The following ADAMTS14 variants were observed in gnomAD, a reference collection of about 807,000 sequenced individuals.
ADAMTS14 encodes the protein A disintegrin and metalloproteinase with thrombospondin motifs 14.
In ADAMTS14, 100 loss-of-function variants were observed where a neutral mutation model predicts 128.6. The observed-to-expected ratio is 0.78, with a 90% CI of 0.66 to 0.92. ADAMTS14 has a LOEUF of 0.92. ADAMTS14 is among the 40% of genes least tolerant of loss of function. The pLI, the probability that ADAMTS14 is intolerant of heterozygous loss-of-function variation, is 0.00. For synonymous variants in ADAMTS14, 665 were observed against 653.8 expected, an observed-to-expected ratio of 1.02 and a Z score of -0.26; for missense variants, 1,562 against 1,658.6, an observed-to-expected ratio of 0.94 and a Z score of 1.01.
intron 1 of ADAMTS14, 99 bp downstream of exon 1, chr10:70,672,983 G>A: frequency 1.5e-6 from 2 of 1,338,214 alleles, no homozygotes; most frequent in South Asian, 1.9e-5. Flanking sequence ...GGTTCCCGCG[G>A]GTGGGAGGCA....
chr10:70,674,522 T>C, intron 1 of ADAMTS14, 34 bp from the exon 2 acceptor site: 1 of 1,586,760 alleles, frequency 6.3e-7, no homozygotes, highest in East Asian at 2.2e-5. Flanking sequence ...CTGAACCGAC[T>C]GCATTGAAGT....
intron 2 of ADAMTS14, among the ~76,000 whole-genome samples, chr10:70,693,519 G>A (rs577598690): frequency 6.6e-6 from 1 of 152,306 alleles, no homozygotes; most frequent in South Asian, 2.1e-4. Flanking sequence ...GGTGCCTTAT[G>A]TATATTGCTT....
intron 4 of ADAMTS14, among the ~76,000 whole-genome samples, chr10:70,709,060 C>T (rs1043466454): frequency 5.9e-5 from 9 of 152,234 alleles, no homozygotes; most frequent in African/African-American, 2.2e-4. Context: ...GCCTCCTGCG[C>T]TGGAGCCTGT....
In ADAMTS14 at chr10:70,736,718, C is replaced by A; in HGVS notation, c.1524C>A (p.Ser508Arg). ...TFEPCKQLWC[S>R]HPDNPYFCKT... ...AGCCCTGCAAGCAGCTGTGGTGCAGCCATCCTGACAACCCGTACTTCTGCA... is the reference window on the plus strand; with the variant it reads ...AGCCCTGCAAGCAGCTGTGGTGCAGACATCCTGACAACCCGTACTTCTGCA... The change falls in exon 10 of 22, where the codon AGC (serine) becomes AGA (arginine). Residue 508 changes from serine to arginine, a missense_variant. Coordinates refer to ENST00000373207, the MANE Select transcript of ADAMTS14 (RefSeq NM_080722.4). 6.2e-7 allele frequency: 1 copy of A among 1,613,912 alleles called. No homozygotes were observed. Among genetic ancestry groups the A allele is most frequent in the Non-Finnish European group, 8.5e-7 (1 of 1,179,882 alleles).
intron 4 of ADAMTS14, among the ~76,000 whole-genome samples, chr10:70,717,978 G>A (rs1841111238): frequency 3.3e-5 from 5 of 152,248 alleles, no homozygotes; most frequent in Admixed American, 2.0e-4. Context: ...CAGATGGCCT[G>A]TATAGAAGAG....
intron 2 of ADAMTS14, among the ~76,000 whole-genome samples, chr10:70,693,434 A>C (rs1289201077): frequency 6.6e-6 from 1 of 152,118 alleles, no homozygotes; most frequent in Non-Finnish European, 1.5e-5. Context: ...TCAAAGTGAC[A>C]ATGGTGATCA....
intron 2 of ADAMTS14, among the ~76,000 whole-genome samples, chr10:70,697,747 C>A (rs1840373484): frequency 6.8e-6 from 1 of 148,004 alleles, no homozygotes; most frequent in Non-Finnish European, 1.5e-5. Context: ...GTGACCATGT[C>A]TTCTTTGGGT....
intron 4 of ADAMTS14, among the ~76,000 whole-genome samples, chr10:70,726,074 T>C (rs922923966): frequency 2.0e-5 from 3 of 152,346 alleles, no homozygotes; most frequent in Non-Finnish European, 1.5e-5. Flanking sequence ...GCTGTCCCTT[T>C]CTGTTTACAT....
Position 70,760,425 on chromosome 10 carries a change from A to G in ADAMTS14, c.3244A>G (p.Ile1082Val). ...QMEVLDRYCS[I>V]PGYHRLCCVS... ...GGAAGTGCTCGATCGCTACTGCTCCATTCCCGGCTACCACCGGCTCTGCTG... is the reference window on the plus strand; with the variant it reads ...GGAAGTGCTCGATCGCTACTGCTCCGTTCCCGGCTACCACCGGCTCTGCTG... The change falls in exon 22 of 22, where the codon ATT becomes GTT. Residue 1082 changes from isoleucine to valine, a missense_variant. Physicochemically the swap from Ile to Val is conservative, Grantham distance 29. Coordinates refer to ENST00000373207, the MANE Select transcript of ADAMTS14 (RefSeq NM_080722.4). 2 of 1,612,508 alleles carry G rather than the reference A, an allele frequency of 1.2e-6. No individual in the cohort carries two copies. The highest frequency in any genetic ancestry group is 1.7e-6 in the Non-Finnish European group (2 of 1,179,636).
intron 8 of ADAMTS14, among the ~76,000 whole-genome samples, chr10:70,734,552 T>C (rs7898780): frequency 0.31 from 47,228 of 152,014 alleles, 7,636 homozygotes; most frequent in Non-Finnish European, 0.37. Flanking sequence ...GAGCTCCTCC[T>C]CTCCCCACTC....
chr10:70,752,008 C>T (rs974927558), intron 17 of ADAMTS14, 87 bp from the exon 18 acceptor site: 2 of 1,526,674 alleles, frequency 1.3e-6, no homozygotes, highest in Non-Finnish European at 1.8e-6. Flanking sequence ...GCCCACAAGG[C>T]TCTCCACAGG....
intron 15 of ADAMTS14, 50 bp from the exon 16 acceptor site, chr10:70,749,772 C>T: frequency 6.3e-7 from 1 of 1,595,532 alleles, no homozygotes; most frequent in South Asian, 1.1e-5. Flanking sequence ...TGGCCCGCCC[C>T]CTGTGGAGAG....
At chr10:70,708,805 G>A in intron 4 of ADAMTS14, 27 bp downstream of exon 4, 1 of 1,495,790 alleles carries the variant, frequency 6.7e-7, no homozygotes, top group South Asian at 1.3e-5. Context: ...CCTAGGACTT[G>A]GGGGGAGTGG....
At chr10:70,750,715 T>C (rs536800668) in intron 16 of ADAMTS14, among the ~76,000 whole-genome samples, 1 of 152,164 alleles carries the variant, frequency 6.6e-6, no homozygotes, top group Non-Finnish European at 1.5e-5. Flanking sequence ...GCCAGGTGAT[T>C]TTCAACAAGT....
At chr10:70,685,127 G>A (rs1397159271) in intron 2 of ADAMTS14, among the ~76,000 whole-genome samples, 2 of 152,188 alleles carry the variant, frequency 1.3e-5, no homozygotes, top group African/African-American at 2.4e-5. Flanking sequence ...TTAGCAGGCT[G>A]GTGAGAGTGA....
intron 19 of ADAMTS14, 62 bp downstream of exon 19, chr10:70,754,069 G>C: frequency 7.0e-7 from 1 of 1,422,324 alleles, no homozygotes; most frequent in Non-Finnish European, 9.3e-7. Context: ...GGATTTTTTT[G>C]GTGTTCCCTG....
intron 4 of ADAMTS14, among the ~76,000 whole-genome samples, chr10:70,716,443 G>A (rs1841047090): frequency 6.6e-6 from 1 of 152,186 alleles, no homozygotes; most frequent in Non-Finnish European, 1.5e-5. Flanking sequence ...GCGGTGTGGG[G>A]TTCTGGCTTC....
chr10:70,675,140 C>T (rs895299900), intron 2 of ADAMTS14, 145 bp downstream of exon 2: 33 of 998,692 alleles, frequency 3.3e-5, no homozygotes, highest in African/African-American at 1.4e-4. Context: ...CCTGCCCCCG[C>T]GGGCCACTAG....
At chr10:70,700,045 A>G (rs1488503557) in intron 2 of ADAMTS14, among the ~76,000 whole-genome samples, 1 of 151,970 alleles carries the variant, frequency 6.6e-6, no homozygotes, top group African/African-American at 2.4e-5. Flanking sequence ...GATGGGATAA[A>G]TCATGCAGGG....
Sources: gnomAD v4.1 joint callset for allele counts (sites outside exome capture counted in the v4.1 genomes callset) on GRCh38, gnomAD v4.1.1 for gene constraint, MANE v1.5 for transcripts, NCBI Gene and HGNC (gene_info 2026-07-23, HGNC 2026-07-21) for gene names.